The following FAS variants were observed in gnomAD, a reference collection of about 807,000 sequenced individuals.
FAS encodes tumor necrosis factor receptor superfamily member 6.
A neutral mutation model predicts 33.2 loss-of-function variants in FAS; 5 were observed. The observed-to-expected ratio is 0.15, with a 90% CI of 0.08 to 0.32. FAS has a LOEUF of 0.32. FAS is among the 10% of genes least tolerant of loss of function. The pLI, the probability that FAS is intolerant of heterozygous loss-of-function variation, is 1.00. For missense variants in FAS, 339 were observed against 386.0 expected (o/e 0.88, Z 1.02); for synonymous variants, 131 against 130.7 (o/e 1.00, Z -0.01).
intron 4 of FAS, among the ~76,000 whole-genome samples, chr10:89,009,641 A>G: frequency 6.6e-6 from 1 of 152,158 alleles, no homozygotes; most frequent in Admixed American, 6.5e-5. Flanking sequence ...CATCTTGGGA[A>G]GCTTTTAGGA....
chr10:88,990,328 G>A (rs1313294431), upstream of FAS, among the ~76,000 whole-genome samples: 1 of 152,196 alleles, frequency 6.6e-6, no homozygotes, highest in Non-Finnish European at 1.5e-5. The surrounding 1 kb of genome is among the most constrained non-coding windows in gnomAD (Gnocchi z 4.9). Context: ...CAGGACCTCT[G>A]CGCTCTGAGC....
rs752249781 is a variant in FAS, at chr10:89,000,267, T to C, written c.31-2762T>C. On this transcript the variant is annotated intron_variant, in intron 1 of 8. Coordinates refer to ENST00000652046, the MANE Select transcript of FAS (RefSeq NM_000043.6). ...ATTTATATAAAGAATTCAATGTTGA[T>C]AATTCAAAGGTTTAGAATTTTTTCC... Among the ~76,000 whole-genome samples the C allele has an allele frequency of 2.6e-4, 39 of 152,348 alleles. 1 individual carries two copies. Among genetic ancestry groups the C allele is most frequent in the South Asian group, 1.9e-3 (9 of 4,830 alleles).
intron 1 of FAS, chr10:88,992,624 T>G (rs1847312989): frequency 1.3e-5 from 2 of 152,238 alleles, no homozygotes; most frequent in Non-Finnish European, 2.9e-5. Context: ...AACTTATATT[T>G]GTATATGATA....
At chr10:88,981,387 T>C (rs1312825837) in intron 2 of FAS, among the ~76,000 whole-genome samples, 1 of 151,864 alleles carries the variant, frequency 6.6e-6, no homozygotes, top group Admixed American at 6.6e-5. Flanking sequence ...AAATGACTTT[T>C]TTTTTTTAAA....
intron 8 of FAS, 38 bp from the exon 9 acceptor site, chr10:89,014,081 T>G (rs1202152951): frequency 6.2e-7 from 1 of 1,602,126 alleles, no homozygotes. Flanking sequence ...GAATTTCATT[T>G]AGAAAAACAA....
At chr10:88,978,290 C>T (rs1274633356) in intron 2 of FAS, among the ~76,000 whole-genome samples, 1 of 145,316 alleles carries the variant, frequency 6.9e-6, no homozygotes, top group Non-Finnish European at 1.5e-5. Flanking sequence ...GGGAGATATA[C>T]CTAATGCTAG....
chr10:88,991,206 C>G, intron 1 of FAS: 1 of 551,670 alleles, frequency 1.8e-6, no homozygotes, highest in Non-Finnish European at 3.3e-6. Context: ...CTGCGCTCCA[C>G]GTTGAGGTGG....
upstream of FAS, chr10:88,990,770 C>A: frequency 7.0e-7 from 1 of 1,438,400 alleles, no homozygotes; most frequent in Non-Finnish European, 9.8e-7. The surrounding 1 kb of genome is among the most constrained non-coding windows in gnomAD (Gnocchi z 4.9). Flanking sequence ...CACCCTGAGG[C>A]CAGCCCTGGC....
At chr10:88,992,075 C>G (rs1032874546) in intron 1 of FAS, among the ~76,000 whole-genome samples, 1 of 152,178 alleles carries the variant, frequency 6.6e-6, no homozygotes, top group African/African-American at 2.4e-5. Flanking sequence ...TTCAGTAATT[C>G]AGCCAAGATC....
rs1331194612 is a variant in FAS at position 88,995,804 on chromosome 10, C to T, written c.30+4898C>T. Among the ~76,000 whole-genome samples the T allele has an allele frequency of 6.6e-5, 10 of 151,940 alleles. 1 individual carries two copies. Among genetic ancestry groups the T allele is most frequent in the South Asian group, 4.2e-4 (2 of 4,808 alleles). Reference sequence around the variant, plus strand: ...TCATGCCACTGCACTCCAGGCTGGGCGACAGAGTGAGACTCCGTCTACAAA... The same window carrying T: ...TCATGCCACTGCACTCCAGGCTGGGTGACAGAGTGAGACTCCGTCTACAAA... On this transcript the variant is annotated intron_variant, in intron 1 of 8. Coordinates refer to ENST00000652046, the MANE Select transcript of FAS (RefSeq NM_000043.6).
upstream of FAS, among the ~76,000 whole-genome samples, chr10:88,986,746 G>A (rs1304682990): frequency 6.6e-6 from 1 of 151,740 alleles, no homozygotes; most frequent in Non-Finnish European, 1.5e-5. Context: ...AAGTAGTGCA[G>A]GAAGGAAGAA....
chr10:88,986,654 G>T (rs565465588), upstream of FAS, among the ~76,000 whole-genome samples: 1 of 151,856 alleles, frequency 6.6e-6, no homozygotes, highest in African/African-American at 2.4e-5. Flanking sequence ...AGTACAGAAA[G>T]GAAGTAATAC....
chr10:88,973,582 G>C (rs1203509533), intron 2 of FAS: 1 of 289,704 alleles, frequency 3.5e-6, no homozygotes, highest in Non-Finnish European at 6.3e-6. Flanking sequence ...TTCCCCAAAA[G>C]CATCTTTAAC....
intron 1 of FAS, among the ~76,000 whole-genome samples, chr10:88,968,023 T>A (rs1183876638): frequency 6.6e-6 from 1 of 152,122 alleles, no homozygotes; most frequent in Non-Finnish European, 1.5e-5. Context: ...CTGTAACATA[T>A]AACAGTAATT....
intron 2 of FAS, among the ~76,000 whole-genome samples, chr10:89,003,596 A>G (rs746687296): frequency 2.0e-5 from 3 of 152,204 alleles, no homozygotes; most frequent in Non-Finnish European, 4.4e-5. Context: ...CTTCCCTTCA[A>G]TCAGAAGGTC....
intron 2 of FAS, among the ~76,000 whole-genome samples, chr10:89,004,471 C>A (rs568981306): frequency 7.3e-5 from 11 of 151,502 alleles, no homozygotes; most frequent in African/African-American, 2.4e-4. Flanking sequence ...CCCACTAACT[C>A]GTCATCTAGC....
At chr10:89,014,006 C>T (rs1848659875) in intron 8 of FAS, 113 bp from the exon 9 acceptor site, 4 of 1,117,528 alleles carry the variant, frequency 3.6e-6, no homozygotes, top group Admixed American at 4.1e-5. Flanking sequence ...CTTCATAGAC[C>T]TTTAGGACTT....
chr10:89,000,940 G>C (rs1221324137), intron 1 of FAS, among the ~76,000 whole-genome samples: 1 of 152,222 alleles, frequency 6.6e-6, no homozygotes, highest in Non-Finnish European at 1.5e-5. Flanking sequence ...CACCTACTCG[G>C]GAGGCTGAGG....
chr10:88,980,362 G>A (rs183434417), intron 2 of FAS, among the ~76,000 whole-genome samples: 1 of 152,280 alleles, frequency 6.6e-6, no homozygotes, highest in Admixed American at 6.5e-5. Flanking sequence ...CAAGCATCAG[G>A]ACGCTGAACA....
Sources: gnomAD v4.1 joint callset for allele counts (sites outside exome capture counted in the v4.1 genomes callset) on GRCh38, gnomAD v4.1.1 for gene constraint, Gnocchi (gnomAD v3.1) non-coding constraint, MANE v1.5 for transcripts, NCBI Gene and HGNC (gene_info 2026-07-23, HGNC 2026-07-21) for gene names.